The following THEMIS variants were observed in gnomAD, a reference collection of about 807,000 sequenced individuals.
The protein encoded by THEMIS is thymocyte selection associated.
In THEMIS, 37 loss-of-function variants were observed where a neutral mutation model predicts 52.6. The observed-to-expected ratio is 0.70, with a 90% CI of 0.54 to 0.93. THEMIS has a LOEUF of 0.93. THEMIS is among the 40% of genes least tolerant of loss of function. The pLI is 0.00. For synonymous variants in THEMIS, 292 were observed against 272.7 expected, an observed-to-expected ratio of 1.07 and a Z score of -0.70; for missense variants, 808 against 763.1, an observed-to-expected ratio of 1.06 and a Z score of -0.69.
intron 2 of THEMIS, among the ~76,000 whole-genome samples, chr6:127,842,290 T>A (rs985081184): frequency 2.0e-5 from 3 of 151,970 alleles, no homozygotes; most frequent in Non-Finnish European, 4.4e-5. Flanking sequence ...TAATACATAT[T>A]TTCTGTTAAT....
chr6:127,820,677 C>T (rs576514713), intron 3 of THEMIS, among the ~76,000 whole-genome samples: 10 of 152,170 alleles, frequency 6.6e-5, no homozygotes, highest in African/African-American at 2.2e-4. Flanking sequence ...ATACTAAGTG[C>T]CATGAAGCCC....
chr6:127,756,530 C>T (rs1775833199), intron 4 of THEMIS, among the ~76,000 whole-genome samples: 1 of 151,936 alleles, frequency 6.6e-6, no homozygotes, highest in Non-Finnish European at 1.5e-5. Context: ...GCTTTTTTTT[C>T]CTGAAAGTCC....
intron 2 of THEMIS, among the ~76,000 whole-genome samples, chr6:127,839,976 A>G (rs1439519141): frequency 6.6e-6 from 1 of 152,060 alleles, no homozygotes; most frequent in African/African-American, 2.4e-5. Context: ...TGTATATTTT[A>G]ATCAGGTGAA....
intron 1 of THEMIS, among the ~76,000 whole-genome samples, chr6:127,907,422 A>G (rs1029695488): frequency 3.0e-5 from 4 of 135,348 alleles, no homozygotes; most frequent in African/African-American, 1.1e-4. Flanking sequence ...GCAGCTCAAG[A>G]TTTGTATCTC....
intron 4 of THEMIS, among the ~76,000 whole-genome samples, chr6:127,806,409 G>C (rs1777710231): frequency 6.6e-6 from 1 of 152,050 alleles, no homozygotes; most frequent in Non-Finnish European, 1.5e-5. Flanking sequence ...ATAAGGAGTG[G>C]GGGACAGTAT....
At chr6:127,698,229 TG>T in the THEMIS span, among the ~76,000 whole-genome samples, 1 of 152,130 alleles carries the variant, frequency 6.6e-6, no homozygotes, top group Non-Finnish European at 1.5e-5. Flanking sequence ...TTTAAAATAA[TG>T]TTCAGATGAT....
chr6:127,761,829 T>C (rs556756083), intron 4 of THEMIS, among the ~76,000 whole-genome samples: 5 of 152,254 alleles, frequency 3.3e-5, no homozygotes, highest in South Asian at 2.1e-4. Flanking sequence ...ACAGCCATTA[T>C]GGAAAACAGT....
At chr6:127,700,063 G>T in the THEMIS span, among the ~76,000 whole-genome samples, 1 of 151,614 alleles carries the variant, frequency 6.6e-6, no homozygotes. Flanking sequence ...TTTTGATGAA[G>T]AACTTGTATT....
intron 4 of THEMIS, among the ~76,000 whole-genome samples, chr6:127,726,340 A>G (rs940936092): frequency 2.0e-5 from 3 of 152,060 alleles, no homozygotes; most frequent in African/African-American, 4.8e-5. Flanking sequence ...CCCCATCTCA[A>G]TCCTACAAAG....
chr6:127,894,358 A>G (rs1232998841), intron 1 of THEMIS, among the ~76,000 whole-genome samples: 4 of 152,022 alleles, frequency 2.6e-5, no homozygotes, highest in African/African-American at 9.7e-5. Flanking sequence ...TGAAATTATT[A>G]ATTAAAAGCA....
At chr6:127,781,722 A>G (rs1776750609) in intron 4 of THEMIS, among the ~76,000 whole-genome samples, 1 of 152,076 alleles carries the variant, frequency 6.6e-6, no homozygotes, top group Non-Finnish European at 1.5e-5. Flanking sequence ...TCACCAGTGG[A>G]GGCTGCAGAA....
upstream of THEMIS, among the ~76,000 whole-genome samples, chr6:127,901,835 A>G (rs1781141570): frequency 6.6e-6 from 1 of 152,068 alleles, no homozygotes; most frequent in Non-Finnish European, 1.5e-5. Context: ...CAAGTTCACA[A>G]TTCCACAATT....
intron 2 of THEMIS, among the ~76,000 whole-genome samples, chr6:127,838,688 A>G (rs1778948997): frequency 1.3e-5 from 2 of 152,074 alleles, no homozygotes; most frequent in African/African-American, 4.8e-5. Context: ...TATAATGTTG[A>G]TGATCCAATT....
chr6:127,720,296 A>C (rs1462687728), intron 4 of THEMIS, among the ~76,000 whole-genome samples: 1 of 151,986 alleles, frequency 6.6e-6, no homozygotes, highest in African/African-American at 2.4e-5. Flanking sequence ...AATCAGCATT[A>C]TGCAAATTTG....
intron 4 of THEMIS, among the ~76,000 whole-genome samples, chr6:127,798,810 G>T (rs541245643): frequency 1.5e-4 from 23 of 151,866 alleles, no homozygotes; most frequent in Non-Finnish European, 3.1e-4. Context: ...CTAAAACGGT[G>T]AAACCCTGTC....
the THEMIS span, among the ~76,000 whole-genome samples, chr6:127,699,100 T>G: frequency 6.6e-6 from 1 of 151,844 alleles, no homozygotes; most frequent in Non-Finnish European, 1.5e-5. Context: ...GTTAGACTTC[T>G]CTTCTCACAG....
chr6:127,914,942 C>T (rs1781489200), intron 1 of THEMIS, among the ~76,000 whole-genome samples: 1 of 152,140 alleles, frequency 6.6e-6, no homozygotes, highest in Admixed American at 6.5e-5. Flanking sequence ...CAGAAACACA[C>T]TTTGACCTGA....
intron 3 of THEMIS, among the ~76,000 whole-genome samples, chr6:127,824,595 A>G (rs931695453): frequency 1.3e-5 from 2 of 148,550 alleles, no homozygotes. Flanking sequence ...ATACACCAAA[A>G]CTTAAAAAAA....
chr6:127,769,342 G>GTTTTTTTTTTTTTTTTTTTTT (rs201005568), intron 4 of THEMIS, among the ~76,000 whole-genome samples: 1 of 142,786 alleles, frequency 7.0e-6, no homozygotes, highest in African/African-American at 2.6e-5. Flanking sequence ...AAATAGACCA[G>GTTTTTTTTTTTTTTTTTTTTT]TTTTTTTTTG....
Sources: allele counts gnomAD v4.1 joint callset (sites outside exome capture counted in the v4.1 genomes callset), GRCh38; gene constraint gnomAD v4.1.1; transcripts MANE v1.5; gene names NCBI Gene and HGNC (gene_info 2026-07-23, HGNC 2026-07-21).